KALRN: variants seen among roughly 807,000 people sequenced by gnomAD.
KALRN encodes kalirin.
A neutral mutation model predicts 353.7 loss-of-function variants in KALRN; 70 were observed. That is an observed-to-expected ratio of 0.20 (90% confidence interval 0.16 to 0.24). The LOEUF (loss-of-function observed/expected upper bound fraction) is 0.24, where lower values mean the gene tolerates loss of function less well. Ranked by LOEUF, KALRN falls within the 10% of genes least tolerant of loss-of-function variation. The probability of loss-of-function intolerance (pLI) is 1.00; values close to 1 mark genes in which losing one functional copy is unlikely to be tolerated. For synonymous variants in KALRN, 1,391 were observed against 1,434.8 expected, an observed-to-expected ratio of 0.97 and a Z score of 0.69; for missense variants, 2,791 against 3,756.7, an observed-to-expected ratio of 0.74 and a Z score of 6.72.
chr3:124,687,749 A>G (rs1182416247), intron 51 of KALRN, among the ~76,000 whole-genome samples: 1 of 151,974 alleles, frequency 6.6e-6, no homozygotes, highest in Non-Finnish European at 1.5e-5. Context: ...CATACAGACC[A>G]AGTCCTCCAA....
chr3:124,645,000 CTT>C (rs1559755032), intron 37 of KALRN, among the ~76,000 whole-genome samples: 1 of 152,188 alleles, frequency 6.6e-6, no homozygotes, highest in Non-Finnish European at 1.5e-5. Context: ...TGTTTCCTGA[CTT>C]TTTGATGATC....
rs2093857730 is a variant in KALRN, at chr3:124,446,898, C to G, written c.3552+13C>G. On this transcript the variant is annotated intron_variant, in intron 21 of 59. Transcript: ENST00000682506. ...GGTGCCTGCCAAGGTAGGAAACATC[C>G]CAGAGCCTCCCCCAGATCCACCCAG... 2 of 1,613,712 alleles carry G rather than the reference C, an allele frequency of 1.2e-6. No homozygotes were observed. The highest frequency in any genetic ancestry group is 1.7e-6 in the Non-Finnish European group (2 of 1,179,820).
chr3:124,504,226 T>C (rs1311191404), intron 33 of KALRN, among the ~76,000 whole-genome samples: 2 of 152,052 alleles, frequency 1.3e-5, no homozygotes, highest in East Asian at 1.9e-4. Flanking sequence ...CAATGTGAGT[T>C]TGGAATTTGA....
chr3:124,434,818 A>G (rs1212817674), intron 17 of KALRN, among the ~76,000 whole-genome samples: 1 of 152,252 alleles, frequency 6.6e-6, no homozygotes, highest in Non-Finnish European at 1.5e-5. Context: ...TATATTAGTC[A>G]GCTGTTACCA....
At chr3:124,539,402 A>G (rs1405563575) in intron 33 of KALRN, among the ~76,000 whole-genome samples, 5 of 152,162 alleles carry the variant, frequency 3.3e-5, no homozygotes, top group African/African-American at 4.8e-5. Context: ...GGAAGCTTTA[A>G]AACATCGACC....
chr3:124,414,341 G>A (rs2092376242), intron 14 of KALRN, among the ~76,000 whole-genome samples: 1 of 152,094 alleles, frequency 6.6e-6, no homozygotes, highest in African/African-American at 2.4e-5. Flanking sequence ...TTCTGCTCCC[G>A]ATCCCTGCTG....
intron 5 of KALRN, among the ~76,000 whole-genome samples, chr3:124,280,641 G>A (rs2075255912): frequency 6.6e-6 from 1 of 152,168 alleles, no homozygotes; most frequent in Admixed American, 6.5e-5. Flanking sequence ...AGGTGCACTA[G>A]TTTTTGTAGC....
chr3:124,145,361 G>T (rs1440834186), intron 1 of KALRN, among the ~76,000 whole-genome samples: 1 of 152,180 alleles, frequency 6.6e-6, no homozygotes, highest in Admixed American at 6.5e-5. Flanking sequence ...CCTGAAAAAC[G>T]CTGATGCCCA....
intron 33 of KALRN, among the ~76,000 whole-genome samples, chr3:124,543,329 T>C (rs1259948903): frequency 6.7e-6 from 1 of 150,272 alleles, no homozygotes; most frequent in African/African-American, 2.4e-5. Context: ...TGAGACGGAA[T>C]CTCACTCTGT....
intron 1 of KALRN, among the ~76,000 whole-genome samples, chr3:124,034,033 C>A (rs1303965773): frequency 6.6e-6 from 1 of 152,178 alleles, no homozygotes; most frequent in African/African-American, 2.4e-5. Flanking sequence ...GCCCCTCCGC[C>A]TTCACCCCAG....
At chr3:124,190,538 C>T (rs559435275) in intron 1 of KALRN, among the ~76,000 whole-genome samples, 1 of 152,154 alleles carries the variant, frequency 6.6e-6, no homozygotes, top group Non-Finnish European at 1.5e-5. Context: ...TTTTATTATG[C>T]TCATAATTTT....
At chr3:124,466,170 A>G (rs919311835) in intron 25 of KALRN, among the ~76,000 whole-genome samples, 6 of 152,102 alleles carry the variant, frequency 3.9e-5, no homozygotes, top group Non-Finnish European at 7.4e-5. Context: ...ACAGTTTAAT[A>G]TGTAGAATTT....
chr3:124,663,456 A>T (rs1468387927), intron 45 of KALRN, among the ~76,000 whole-genome samples: 1 of 152,200 alleles, frequency 6.6e-6, no homozygotes, highest in Non-Finnish European at 1.5e-5. Flanking sequence ...ATAACAGTGA[A>T]CCTTTGAAGA....
At chr3:124,489,471 G>A (rs368677081) in intron 29 of KALRN, among the ~76,000 whole-genome samples, 1 of 151,980 alleles carries the variant, frequency 6.6e-6, no homozygotes, top group South Asian at 2.1e-4. Flanking sequence ...GACTTGATAC[G>A]GTCTCCATAC....
intron 51 of KALRN, 36 bp from the exon 52 acceptor site, chr3:124,693,768 G>T: frequency 1.4e-6 from 2 of 1,437,340 alleles, no homozygotes; most frequent in East Asian, 2.3e-5. Context: ...AGTAGTTTAG[G>T]ATTCAAGCAA....
At chr3:124,342,990 C>T (rs2081926817) in intron 9 of KALRN, among the ~76,000 whole-genome samples, 1 of 152,172 alleles carries the variant, frequency 6.6e-6, no homozygotes, top group South Asian at 2.1e-4. Context: ...TCCATCTCCC[C>T]CATAGCCAAT....
intron 33 of KALRN, among the ~76,000 whole-genome samples, chr3:124,551,966 G>A (rs901392959): frequency 2.6e-5 from 4 of 152,140 alleles, no homozygotes; most frequent in African/African-American, 9.7e-5. Flanking sequence ...GCAATCTTTA[G>A]CTAGTCATTT....
chr3:124,233,133 C>T (rs2079361595), intron 2 of KALRN, among the ~76,000 whole-genome samples: 2 of 152,080 alleles, frequency 1.3e-5, no homozygotes, highest in South Asian at 4.1e-4. Flanking sequence ...CCAGTTGGAG[C>T]TGTGGTTCCT....
intron 6 of KALRN, among the ~76,000 whole-genome samples, chr3:124,303,474 A>G (rs1478757951): frequency 6.6e-6 from 1 of 151,974 alleles, no homozygotes; most frequent in African/African-American, 2.4e-5. Flanking sequence ...GTGGCCTTCT[A>G]CTCTGATGGG....
Sources: allele counts gnomAD v4.1 joint callset (sites outside exome capture counted in the v4.1 genomes callset), GRCh38; gene constraint gnomAD v4.1.1; transcripts MANE v1.5; gene names NCBI Gene and HGNC (gene_info 2026-07-23, HGNC 2026-07-21).